Variants in PATL2 observed in about 807,000 individuals in gnomAD.
The protein encoded by PATL2 is PAT1 homolog 2, also known as protein PAT1 homolog 2.
Under a neutral mutation model 77.0 loss-of-function variants are expected in PATL2, and 73 were observed. The ratio of observed to expected loss-of-function variants is 0.95; its 90% CI spans 0.78 to 1.15. The LOEUF (loss-of-function observed/expected upper bound fraction) is 1.15, where lower values mean the gene tolerates loss of function less well. Among genes scored for constraint, PATL2 ranks in the 50% most tolerant of loss-of-function variants. The pLI, the probability that PATL2 is intolerant of heterozygous loss-of-function variation, is 0.00. For missense variants in PATL2, 618 were observed against 655.4 expected, an observed-to-expected ratio of 0.94 and a Z score of 0.62; for synonymous variants, 265 against 257.1, an observed-to-expected ratio of 1.03 and a Z score of -0.29.
intron 15 of PATL2, among the ~76,000 whole-genome samples, chr15:44,667,497 G>A (rs781708472): frequency 2.0e-5 from 3 of 152,172 alleles, no homozygotes; most frequent in Non-Finnish European, 4.4e-5. Context: ...AGGAATCTGA[G>A]GCAGGTAGTC....
Position 44,669,565 on chromosome 15 carries a change from T to G in PATL2, c.877-2A>C. The G allele has an allele frequency of 6.4e-7, 1 of 1,550,918 alleles. No individual in the cohort carries two copies. The highest frequency in any genetic ancestry group is 8.7e-7 in the Non-Finnish European group (1 of 1,146,760). On this transcript the variant is annotated splice_acceptor_variant, in intron 11 of 17. Transcript: ENST00000682850. LOFTEE classifies it high-confidence loss of function. ...CTGACTGCTTGCAGCTTCTATATCC[T>G]AGGAGAAGGGAGTCACCAGCTATCA... is the stretch of plus-strand genomic sequence containing the variant.
chr15:44,684,352 A>T (rs1343975480), intron 3 of PATL2, among the ~76,000 whole-genome samples: 1 of 152,076 alleles, frequency 6.6e-6, no homozygotes, highest in African/African-American at 2.4e-5. Context: ...AGCTTGAAAA[A>T]AGGTTGGAGG....
intron 3 of PATL2, among the ~76,000 whole-genome samples, chr15:44,706,738 A>G (rs186212778): frequency 2.0e-4 from 31 of 152,354 alleles, no homozygotes; most frequent in Non-Finnish European, 1.0e-4. Flanking sequence ...CCCAAGGCCT[A>G]TGGTAACCAC....
chr15:44,693,103 A>G (rs1343400236), intron 3 of PATL2, among the ~76,000 whole-genome samples: 1 of 152,214 alleles, frequency 6.6e-6, no homozygotes, highest in East Asian at 1.9e-4. Context: ...CTTGACTTGG[A>G]AAAGGCAAAT....
chr15:44,685,068 G>A (rs959803780), intron 3 of PATL2, among the ~76,000 whole-genome samples: 2 of 152,280 alleles, frequency 1.3e-5, no homozygotes, highest in East Asian at 1.9e-4. Flanking sequence ...GTCACCAACA[G>A]GCCTGCCTTA....
At chr15:44,670,452 C>G (rs2085618159) in intron 9 of PATL2, among the ~76,000 whole-genome samples, 1 of 152,168 alleles carries the variant, frequency 6.6e-6, no homozygotes, top group Admixed American at 6.5e-5. Flanking sequence ...CCTTGGCCTC[C>G]CAAAGTGCTG....
intron 3 of PATL2, among the ~76,000 whole-genome samples, chr15:44,687,447 A>G (rs1242766201): frequency 6.6e-6 from 1 of 152,272 alleles, no homozygotes; most frequent in Non-Finnish European, 1.5e-5. Flanking sequence ...CACAGCCAAT[A>G]TCATACTGAA....
In PATL2 at chr15:44,688,909, T is replaced by A. The variant is rs2086323252; in HGVS notation, c.-75-12344A>T. On this transcript the variant is annotated intron_variant, in intron 3 of 17. Transcript: ENST00000682850. ...TTCTGCACAGCAAAAGAAACTGTCA[T>A]CAGAGTGAATGGGCAACCTACAGAA... 2.6e-5 allele frequency among the ~76,000 whole-genome samples: 4 copies of A among 152,178 alleles called. No homozygotes were observed. The South Asian group carries it at 8.3e-4, about 32-fold the overall frequency.
intron 17 of PATL2, 35 bp downstream of exon 17, chr15:44,666,357 C>T: frequency 6.4e-7 from 1 of 1,550,914 alleles, no homozygotes; most frequent in Non-Finnish European, 8.7e-7. Flanking sequence ...TGGGCTTGAA[C>T]AAGGGGCTTT....
At chr15:44,702,591 AGTTTTTCT>A (rs1317714422) in intron 3 of PATL2, among the ~76,000 whole-genome samples, 1 of 150,666 alleles carries the variant, frequency 6.6e-6, no homozygotes, top group Admixed American at 6.6e-5. Flanking sequence ...GTTTATTTGA[AGTTTTTCT>A]GTTTTTCTTT....
chr15:44,666,951 A>G (rs2085403712), intron 16 of PATL2, 155 bp downstream of exon 16: 2 of 637,892 alleles, frequency 3.1e-6, no homozygotes, highest in Non-Finnish European at 5.5e-6. Context: ...CTAGGGCACT[A>G]TAGAAAAAAA....
At chr15:44,670,575 A>G (rs1453317214) in intron 9 of PATL2, among the ~76,000 whole-genome samples, 4 of 152,200 alleles carry the variant, frequency 2.6e-5, no homozygotes, top group African/African-American at 9.6e-5. Flanking sequence ...CAGTTATTCT[A>G]AAGTGTCTTA....
chr15:44,668,133 A>T (rs2085475806), intron 15 of PATL2, among the ~76,000 whole-genome samples: 1 of 152,190 alleles, frequency 6.6e-6, no homozygotes, highest in Non-Finnish European at 1.5e-5. Flanking sequence ...GAGCAGGTGC[A>T]TGGGCCCCAC....
intron 16 of PATL2, chr15:44,666,814 A>G (rs1487722376): frequency 7.7e-6 from 4 of 519,632 alleles, no homozygotes; most frequent in Non-Finnish European, 1.3e-5. Flanking sequence ...GAGAAGTGAA[A>G]GAACTTGCCC....
At chr15:44,674,112 C>A in intron 6 of PATL2, 38 bp downstream of exon 6, 1 of 1,499,574 alleles carries the variant, frequency 6.7e-7, no homozygotes, top group East Asian at 2.5e-5. Context: ...TAGATGGAAT[C>A]CTCACTACCC....
rs894865645 is a variant in PATL2, at chr15:44,673,486, C to A, written c.304-109G>T. The A allele has an allele frequency of 1.4e-5, 20 of 1,388,030 alleles. No homozygotes were observed. The Middle Eastern group carries it at 1.3e-3, about 90-fold the overall frequency. The allele number at this position is 1,388,030 out of a possible 1,614,324, so 86.0% of individuals were successfully genotyped here. Reference sequence around the variant, plus strand: ...CTACCTTTTCCCCTCAAGAACTTCACCCAACATTGTGCCATCTTGTGAGTC... The same window carrying A: ...CTACCTTTTCCCCTCAAGAACTTCAACCAACATTGTGCCATCTTGTGAGTC... On this transcript the variant is annotated intron_variant, in intron 6 of 17. Transcript: ENST00000682850.
intron 9 of PATL2, 37 bp from the exon 10 acceptor site, chr15:44,670,124 C>T (rs2141180199): frequency 7.8e-6 from 12 of 1,546,046 alleles, no homozygotes; most frequent in South Asian, 1.2e-5. Context: ...AAAAACAAAA[C>T]ACCTTATATT....
At chr15:44,707,919 G>A (rs2086774151) in intron 3 of PATL2, among the ~76,000 whole-genome samples, 1 of 152,222 alleles carries the variant, frequency 6.6e-6, no homozygotes, top group African/African-American at 2.4e-5. Flanking sequence ...TGCTGGGATG[G>A]GTGATTTGCC....
intron 15 of PATL2, among the ~76,000 whole-genome samples, chr15:44,667,561 T>C (rs921356035): frequency 6.6e-6 from 1 of 152,204 alleles, no homozygotes; most frequent in Non-Finnish European, 1.5e-5. Flanking sequence ...CAGTATGGCA[T>C]ACATGAGATA....
Sources: gnomAD v4.1 joint callset for allele counts (sites outside exome capture counted in the v4.1 genomes callset) on GRCh38, gnomAD v4.1.1 for gene constraint, MANE v1.5 for transcripts, NCBI Gene and HGNC (gene_info 2026-07-23, HGNC 2026-07-21) for gene names.